Variants in ZFAND4 observed in about 807,000 individuals in gnomAD.
ZFAND4 encodes the protein AN1-type zinc finger protein 4.
Under a neutral mutation model 64.4 loss-of-function variants are expected in ZFAND4, and 43 were observed. The ratio of observed to expected loss-of-function variants is 0.67; its 90% CI spans 0.52 to 0.86. The LOEUF (loss-of-function observed/expected upper bound fraction) is 0.86, where lower values mean the gene tolerates loss of function less well. ZFAND4 is among the 40% of genes least tolerant of loss of function. ZFAND4 has a pLI of 0.00. For missense variants in ZFAND4, 929 were observed against 859.8 expected, an observed-to-expected ratio of 1.08 and a Z score of -1.01; for synonymous variants, 296 against 305.7, an observed-to-expected ratio of 0.97 and a Z score of 0.33.
rs181423007 is a variant in ZFAND4 at position 45,616,417 on chromosome 10, G to C, written c.*19C>G. On this transcript the variant is annotated 3_prime_UTR_variant, in exon 10 of 10. Transcript: ENST00000344646. ...TATAATACGAATCCCGGGCAGAACA[G>C]TAAGATGTAGAGGAAGAGTTAGATT... is the stretch of plus-strand genomic sequence containing the variant. The C allele has an allele frequency of 2.5e-6, 4 of 1,613,486 alleles. No homozygotes were observed. The East Asian group carries it at 8.9e-5, about 36-fold the overall frequency.
chr10:45,660,869 C>T (rs182815890), intron 2 of ZFAND4, among the ~76,000 whole-genome samples: 117 of 152,084 alleles, frequency 7.7e-4, no homozygotes, highest in African/African-American at 2.7e-3. Flanking sequence ...AAACAAGAAA[C>T]GTTAAAAGAT....
At chr10:45,671,972 C>A in intron 1 of ZFAND4, among the ~76,000 whole-genome samples, 1 of 152,178 alleles carries the variant, frequency 6.6e-6, no homozygotes, top group Non-Finnish European at 1.5e-5. Flanking sequence ...TTTTCTCCAA[C>A]CTCTGCTCTA....
Position 45,626,589 on chromosome 10 carries a change from G to A in ZFAND4, c.1234C>T (p.Gln412Ter), listed in dbSNP as rs756008041. 1 of 1,614,166 alleles carries A rather than the reference G, an allele frequency of 6.2e-7. No homozygotes were observed. Among genetic ancestry groups the A allele is most frequent in the Non-Finnish European group, 8.5e-7 (1 of 1,180,048 alleles). The change falls in exon 7 of 10, where the codon CAG (glutamine) becomes TAG (stop). Residue 412 changes from glutamine to a stop codon, truncating the protein, a stop_gained. Coordinates refer to ENST00000344646, the MANE Select transcript of ZFAND4 (RefSeq NM_174890.4). LOFTEE classifies it high-confidence loss of function. ...ASFAEGNADE[Q>*]SSGLEGACKV... ...CACGCACCTTCTAAGCCGCTGCTCT[G>A]TTCATCAGCATTTCCTTCTGCAAAT...
intron 4 of ZFAND4, 118 bp from the exon 5 acceptor site, chr10:45,648,652 A>G: frequency 1.4e-5 from 15 of 1,097,848 alleles, no homozygotes; most frequent in Non-Finnish European, 1.8e-5. Context: ...TAATATAAAC[A>G]TGATATTCTT....
rs148409086 is a variant in ZFAND4 at position 45,626,036 on chromosome 10, G to T, written c.1787C>A (p.Thr596Asn). 3 of 1,614,006 alleles carry T rather than the reference G, an allele frequency of 1.9e-6. No individual in the cohort carries two copies. The highest frequency in any genetic ancestry group is 2.7e-5 in the African/African-American group (2 of 74,916). The change falls in exon 7 of 10, where the codon ACT (threonine) becomes AAT (asparagine). Residue 596 changes from threonine (T) to asparagine (N), a missense_variant. By Grantham distance (65) the Thr-to-Asn change is moderately conservative. Coordinates refer to ENST00000344646, the MANE Select transcript of ZFAND4 (RefSeq NM_174890.4). ...ATGCTGGAGGTTTGTAGACAGCCCA[G>T]TTCCAGAGTTCTGAAGCCTGCCTGC... Reference protein sequence around the residue: ...RGAGRLQNSGTGLSTNLQHFQ... With the variant: ...RGAGRLQNSGNGLSTNLQHFQ...
intron 1 of ZFAND4, among the ~76,000 whole-genome samples, chr10:45,665,703 C>T (rs1354731313): frequency 6.6e-6 from 1 of 152,198 alleles, no homozygotes; most frequent in Non-Finnish European, 1.5e-5. Flanking sequence ...GAACCCCATA[C>T]CCTGTAACCA....
At chr10:45,625,002 C>T (rs563864349) in intron 7 of ZFAND4, among the ~76,000 whole-genome samples, 2 of 152,012 alleles carry the variant, frequency 1.3e-5, no homozygotes, top group South Asian at 4.2e-4. Flanking sequence ...CATGGTGAAA[C>T]CCCATCTCTA....
chr10:45,621,218 A>C (rs1239898031), intron 8 of ZFAND4, among the ~76,000 whole-genome samples: 1 of 152,196 alleles, frequency 6.6e-6, no homozygotes, highest in Non-Finnish European at 1.5e-5. Context: ...CAGAGGACCA[A>C]TGGAGGAATT....
At position 45,638,307 on chromosome 10, in the gene ZFAND4, C is replaced by T. The variant is rs1021583589; in HGVS notation, c.717+1509G>A. ...GACCAACTTGGCTAATACGGTGAAA[C>T]CCCGTCTCTACTAAAAATACAAAAA... On this transcript the variant is annotated intron_variant, in intron 6 of 9. Coordinates refer to ENST00000344646, the MANE Select transcript of ZFAND4 (RefSeq NM_174890.4). Among the ~76,000 whole-genome samples, 6 of 150,350 alleles carry T rather than the reference C, an allele frequency of 4.0e-5. No homozygotes were observed. In the East Asian group the frequency reaches 5.8e-4, roughly 15 times the overall value.
chr10:45,669,271 G>C (rs1031706801), intron 1 of ZFAND4, among the ~76,000 whole-genome samples: 1 of 152,128 alleles, frequency 6.6e-6, no homozygotes, highest in Non-Finnish European at 1.5e-5. Flanking sequence ...AAATAAACTG[G>C]AAAATCTAGA....
chr10:45,662,747 A>G, intron 2 of ZFAND4: 1 of 777,574 alleles, frequency 1.3e-6, no homozygotes, highest in Non-Finnish European at 1.6e-6. Context: ...GAAAAATTCT[A>G]ACCCTCCTCA....
chr10:45,627,470 C>T (rs1420156836), intron 6 of ZFAND4, among the ~76,000 whole-genome samples: 1 of 145,198 alleles, frequency 6.9e-6, no homozygotes, highest in African/African-American at 2.6e-5. Flanking sequence ...GACTGGTACA[C>T]AGAAAAAAAG....
chr10:45,648,388 T>G lies in ZFAND4; in HGVS notation c.475A>C (p.Arg159=). ...AACGGTGTTAAAGTGCCATCTCCCCTATCTACTGCAGGAAAGAAATTCAAT... is the reference window on the plus strand; with the variant it reads ...AACGGTGTTAAAGTGCCATCTCCCCGATCTACTGCAGGAAAGAAATTCAAT... ...DQLNFFPAVD[R]GDGTLTPLSD... is the part of the protein sequence containing the mutation. The change falls in exon 5 of 10, where the codon AGG becomes CGG. Residue 159 remains arginine (R), a synonymous_variant. Coordinates refer to ENST00000344646, the MANE Select transcript of ZFAND4 (RefSeq NM_174890.4). 6.2e-7 allele frequency: 1 copy of G among 1,614,088 alleles called. No individual in the cohort carries two copies. Among genetic ancestry groups the G allele is most frequent in the Non-Finnish European group, 8.5e-7 (1 of 1,179,982 alleles).
chr10:45,624,641 C>A lies in ZFAND4; in HGVS notation c.1873-4G>T. ...TCATTCCAACACCATGGGTAGACTA[C>A]AATTAAAACACAAAACATCTATAGA... On this transcript the variant is annotated splice_region_variant and splice_polypyrimidine_tract_variant and intron_variant, in intron 7 of 9. Transcript: ENST00000344646. 1.9e-6 allele frequency: 3 copies of A among 1,612,938 alleles called. No individual in the cohort carries two copies. Among genetic ancestry groups the A allele is most frequent in the Non-Finnish European group, 2.5e-6 (3 of 1,179,244 alleles).
intron 8 of ZFAND4, among the ~76,000 whole-genome samples, chr10:45,622,269 G>C (rs2045485831): frequency 6.6e-6 from 1 of 152,148 alleles, no homozygotes; most frequent in South Asian, 2.1e-4. Flanking sequence ...TTCAACAAAA[G>C]TTAATAAGAA....
intron 2 of ZFAND4, 24 bp from the exon 3 acceptor site, chr10:45,653,083 A>G (rs745464743): frequency 1.7e-5 from 27 of 1,552,512 alleles, no homozygotes; most frequent in Non-Finnish European, 2.1e-5. Flanking sequence ...TATTAAAAAA[A>G]AGTGTTAAAG....
chr10:45,640,213 T>C (rs1054755892), intron 5 of ZFAND4: 3 of 1,244,572 alleles, frequency 2.4e-6, no homozygotes, highest in Admixed American at 3.8e-5. Flanking sequence ...ATTCAGTATA[T>C]CATAAATGAA....
intron 2 of ZFAND4, among the ~76,000 whole-genome samples, chr10:45,661,075 G>C (rs1473338904): frequency 6.6e-6 from 1 of 152,126 alleles, no homozygotes; most frequent in Non-Finnish European, 1.5e-5. Context: ...CAAAGGAAGA[G>C]GGCTGGGCCT....
intron 2 of ZFAND4, among the ~76,000 whole-genome samples, chr10:45,655,875 T>C (rs1291498459): frequency 3.3e-5 from 5 of 152,150 alleles, no homozygotes; most frequent in African/African-American, 1.2e-4. Context: ...ATTTTTAAAT[T>C]GCAAACAACA....
Sources: gnomAD v4.1 joint callset for allele counts (sites outside exome capture counted in the v4.1 genomes callset) on GRCh38, gnomAD v4.1.1 for gene constraint, MANE v1.5 for transcripts, NCBI Gene and HGNC (gene_info 2026-07-23, HGNC 2026-07-21) for gene names.